Variants in PRKN observed in about 807,000 individuals in gnomAD.
PRKN encodes the protein E3 ubiquitin-protein ligase parkin.
A neutral mutation model predicts 59.5 loss-of-function variants in PRKN; 56 were observed. The ratio of observed to expected loss-of-function variants is 0.94; its 90% CI spans 0.76 to 1.18. The LOEUF is 1.18. Among genes scored for constraint, PRKN ranks in the 50% most tolerant of loss-of-function variants. The probability of loss-of-function intolerance (pLI) is 0.00; values close to 1 mark genes in which losing one functional copy is unlikely to be tolerated. For synonymous variants in PRKN, 250 were observed against 222.1 expected (o/e 1.13, Z -1.12); for missense variants, 657 against 596.4 (o/e 1.10, Z -1.06).
At chr6:162,359,021 C>G (rs1406576883) in intron 2 of PRKN, among the ~76,000 whole-genome samples, 1 of 140,510 alleles carries the variant, frequency 7.1e-6, no homozygotes, top group African/African-American at 2.7e-5. Context: ...GATTGTGCTA[C>G]TGCACACCAT....
intron 7 of PRKN, among the ~76,000 whole-genome samples, chr6:161,679,375 A>T (rs1293702516): frequency 2.0e-5 from 3 of 152,108 alleles, no homozygotes; most frequent in African/African-American, 7.2e-5. Context: ...GCTTCAGGCC[A>T]CTGAGCTAGG....
At chr6:161,729,089 G>T (rs1001477359) in intron 7 of PRKN, among the ~76,000 whole-genome samples, 1 of 152,196 alleles carries the variant, frequency 6.6e-6, no homozygotes, top group African/African-American at 2.4e-5. Flanking sequence ...TTCTTCCTTT[G>T]TTCAACTCTT....
At chr6:162,569,519 AC>A (rs1214718567) in intron 1 of PRKN, 2 of 706,360 alleles carry the variant, frequency 2.8e-6, no homozygotes, top group African/African-American at 3.5e-5. Flanking sequence ...CCATACAAAG[AC>A]CACCAGCGCC....
intron 7 of PRKN, among the ~76,000 whole-genome samples, chr6:161,774,563 G>A (rs1287675934): frequency 4.6e-5 from 7 of 152,068 alleles, no homozygotes; most frequent in East Asian, 3.9e-4. Flanking sequence ...CTCTTCCTCC[G>A]CCAGCTGGCC....
intron 7 of PRKN, among the ~76,000 whole-genome samples, chr6:161,599,357 G>T (rs1782027970): frequency 6.6e-6 from 1 of 152,214 alleles, no homozygotes. Context: ...GATGGGAGGA[G>T]ACAGATCAAA....
chr6:162,394,960 G>T (rs1787398616), intron 2 of PRKN, among the ~76,000 whole-genome samples: 1 of 152,084 alleles, frequency 6.6e-6, no homozygotes, highest in South Asian at 2.1e-4. Flanking sequence ...TGAAAGCCAG[G>T]GGTTGTCTTA....
At chr6:162,467,034 A>G (rs1351951975) in intron 1 of PRKN, among the ~76,000 whole-genome samples, 1 of 152,200 alleles carries the variant, frequency 6.6e-6, no homozygotes, top group East Asian at 1.9e-4. Flanking sequence ...CCCAACTATT[A>G]TGATTCCCTG....
intron 4 of PRKN, among the ~76,000 whole-genome samples, chr6:162,119,915 G>C (rs1780832556): frequency 6.6e-6 from 1 of 152,150 alleles, no homozygotes; most frequent in African/African-American, 2.4e-5. Flanking sequence ...TAACATTTTG[G>C]ATGTTATTTT....
At chr6:162,046,580 T>TTCTGGCACCTGGTTTTCTTCC (rs1784259279) in intron 5 of PRKN, among the ~76,000 whole-genome samples, 1 of 152,216 alleles carries the variant, frequency 6.6e-6, no homozygotes, top group Non-Finnish European at 1.5e-5. Flanking sequence ...GCCGCACTGG[T>TTCTGGCACCTGGTTTTCTTCC]TCTGGCACCT....
intron 2 of PRKN, among the ~76,000 whole-genome samples, chr6:162,323,479 A>C (rs1783124635): frequency 1.3e-5 from 2 of 152,120 alleles, no homozygotes; most frequent in South Asian, 4.1e-4. Context: ...TATTGAGAGA[A>C]TATCTTGCAA....
rs535908808 is a variant in PRKN, at chr6:161,511,877, T to C, written c.1083+36977A>G. ...AGAAAACATTAGTCTGGGAGAAGAATATCTCACTTTAGCGGAGACAGCTCC... is the reference window on the plus strand; with the variant it reads ...AGAAAACATTAGTCTGGGAGAAGAACATCTCACTTTAGCGGAGACAGCTCC... On this transcript the variant is annotated intron_variant, in intron 9 of 11. Transcript: ENST00000366898. Among the ~76,000 whole-genome samples the C allele has an allele frequency of 2.6e-5, 4 of 151,880 alleles. No individual in the cohort carries two copies. In the South Asian group the frequency reaches 8.3e-4, roughly 32 times the overall value.
At chr6:161,832,275 C>T (rs1405597011) in intron 6 of PRKN, among the ~76,000 whole-genome samples, 1 of 152,112 alleles carries the variant, frequency 6.6e-6, no homozygotes, top group Non-Finnish European at 1.5e-5. Context: ...TATCTTAGTA[C>T]TTTCTTGAAT....
intron 7 of PRKN, among the ~76,000 whole-genome samples, chr6:161,732,030 A>T (rs1369434559): frequency 6.6e-6 from 1 of 152,022 alleles, no homozygotes; most frequent in East Asian, 1.9e-4. Flanking sequence ...GGTTTGGTGT[A>T]CAGATAATTT....
chr6:162,545,806 A>C (rs1474299720), intron 1 of PRKN, among the ~76,000 whole-genome samples: 1 of 152,184 alleles, frequency 6.6e-6, no homozygotes, highest in South Asian at 2.1e-4. Context: ...AGAGAAAATA[A>C]GTCTAAAAAT....
rs1784704218 is a variant in PRKN at position 161,355,268 on chromosome 6, A to G, written c.1285+4820T>C. Among the ~76,000 whole-genome samples the G allele has an allele frequency of 6.6e-6, 1 of 152,196 alleles. No homozygotes were observed. The highest frequency in any genetic ancestry group is 1.5e-5 in the Non-Finnish European group (1 of 68,038). The stretch of plus-strand genomic sequence containing the variant: ...GCTCATTCTTCAATTCTTGGCTGGT[A>G]TCATCTCTTCCAGGAAGCCTCCTCC... On this transcript the variant is annotated intron_variant, in intron 11 of 11. Transcript: ENST00000366898. This position sits in a 1 kb window ranked among gnomAD's most constrained non-coding sequence, Gnocchi z 6.8.
intron 5 of PRKN, among the ~76,000 whole-genome samples, chr6:162,030,336 G>T (rs1893545): frequency 0.19 from 29,590 of 152,128 alleles, 2,990 homozygotes; most frequent in South Asian, 0.23. Context: ...GGGAATTAGA[G>T]GTACTCTGAA....
At chr6:162,159,599 A>C (rs1782670630) in intron 4 of PRKN, among the ~76,000 whole-genome samples, 1 of 152,248 alleles carries the variant, frequency 6.6e-6, no homozygotes, top group Non-Finnish European at 1.5e-5. Context: ...AGAAATTGAC[A>C]AGAAAGTTCT....
At chr6:162,706,019 C>T (rs1249970322) in intron 1 of PRKN, among the ~76,000 whole-genome samples, 1 of 151,758 alleles carries the variant, frequency 6.6e-6, no homozygotes, top group Non-Finnish European at 1.5e-5. Flanking sequence ...ACGGGAGTCA[C>T]ACAGCTCACA....
chr6:161,692,997 T>G (rs1431551603), intron 7 of PRKN, among the ~76,000 whole-genome samples: 1 of 151,796 alleles, frequency 6.6e-6, no homozygotes, highest in African/African-American at 2.4e-5. Flanking sequence ...CCACATATTT[T>G]TAAATAAAAT....
Sources: allele counts gnomAD v4.1 joint callset (sites outside exome capture counted in the v4.1 genomes callset), GRCh38; gene constraint gnomAD v4.1.1; non-coding constraint Gnocchi (gnomAD v3.1); transcripts MANE v1.5; gene names NCBI Gene and HGNC (gene_info 2026-07-23, HGNC 2026-07-21).